The following GCGR variants were observed in gnomAD, a reference collection of about 807,000 sequenced individuals.
The protein encoded by GCGR is glucagon receptor.
Under a neutral mutation model 56.1 loss-of-function variants are expected in GCGR, and 41 were observed. The ratio of observed to expected loss-of-function variants is 0.73; its 90% CI spans 0.57 to 0.95. The LOEUF (loss-of-function observed/expected upper bound fraction) is 0.95. Ranked by LOEUF, GCGR falls within the 40% of genes least tolerant of loss-of-function variation. GCGR has a pLI of 0.00. For missense variants in GCGR, 595 were observed against 638.2 expected (o/e 0.93, Z 0.73); for synonymous variants, 278 against 271.1 (o/e 1.03, Z -0.25).
chr17:81,809,980 T>G (rs1382782648), intron 3 of GCGR, 96 bp downstream of exon 3: 3 of 938,788 alleles, frequency 3.2e-6, no homozygotes, highest in Non-Finnish European at 5.0e-6. Flanking sequence ...ATGCAGCCTT[T>G]GAGGACCCCG....
rs767396707 is a variant in GCGR, at chr17:81,812,615, C to T, written c.987C>T (p.Leu329=). ...FFIFVRIVQL[L]VAKLRARQMH... is the part of the protein sequence containing the mutation. ...TCTTCGTCCGCATCGTTCAGCTGCT[C>T]GTGGCCAAGCTGCGGGCACGGCAGA... Residue 329 remains leucine (L), a synonymous_variant, in exon 11 of 14, where the codon CTC becomes CTT. Transcript: ENST00000400723. This position sits in a 1 kb window ranked among gnomAD's most constrained non-coding sequence, Gnocchi z 8.5. 1.6e-4 allele frequency: 246 copies of T among 1,536,418 alleles called. 1 individual carries two copies. The highest frequency in any genetic ancestry group is 2.6e-4 in the Admixed American group (13 of 50,960).
rs989942047 is a variant in GCGR, at chr17:81,813,460, G to T, written c.1219-14G>T. The T allele has an allele frequency of 1.3e-6, 2 of 1,533,734 alleles. No homozygotes were observed. The highest frequency in any genetic ancestry group is 8.7e-7 in the Non-Finnish European group (1 of 1,146,380). On this transcript the variant is annotated splice_polypyrimidine_tract_variant and intron_variant, in intron 13 of 13. Coordinates refer to ENST00000400723, the MANE Select transcript of GCGR (RefSeq NM_000160.5). The surrounding 1 kb of genome is among the most constrained non-coding windows in gnomAD (Gnocchi z 5.3). ...GCAGGCCCTAGGACTGGCCTGCCCC[G>T]TCCCCCTCCCCAGGTGCAGTCGGAG...
Position 81,810,362 on chromosome 17 carries a change from C to G in GCGR, c.164-463C>G. 4 of 327,896 alleles carry G rather than the reference C, an allele frequency of 1.2e-5. No individual in the cohort carries two copies. Among genetic ancestry groups the G allele is most frequent in the South Asian group, 1.1e-4 (4 of 35,014 alleles). 20.3% of individuals were successfully genotyped at this position (327,896 alleles called of 1,614,324 possible). A position where few individuals can be genotyped will look rare whatever the true frequency, so the allele number is the denominator to read the frequency against. Reference sequence around the variant, plus strand: ...GATGAGGGAGGCAGCCACCACTGGGCAGAGGGGGGCAGGTGTGGCAGCCTC... The same window carrying G: ...GATGAGGGAGGCAGCCACCACTGGGGAGAGGGGGGCAGGTGTGGCAGCCTC... On this transcript the variant is annotated intron_variant, in intron 3 of 13. Transcript: ENST00000400723. The surrounding 1 kb of genome is among the most constrained non-coding windows in gnomAD (Gnocchi z 4.6).
chr17:81,810,776 C>T lies in GCGR; in HGVS notation c.164-49C>T. ...GAGAGGCCTGCTGAGGGAGCCCCTT[C>T]TCCCACCCTGCCCTGCCCTGCTCTG... On this transcript the variant is annotated intron_variant, in intron 3 of 13. Transcript: ENST00000400723. This position sits in a 1 kb window ranked among gnomAD's most constrained non-coding sequence, Gnocchi z 4.6. 1 of 1,497,884 alleles carries T rather than the reference C, an allele frequency of 6.7e-7. No individual in the cohort carries two copies. The allele number at this position is 1,497,884 out of a possible 1,614,324, so 92.8% of individuals were successfully genotyped here.
At chr17:81,809,171 T>TCTGC (rs1377094571) in intron 2 of GCGR, 93 bp downstream of exon 2, 4 of 1,407,912 alleles carry the variant, frequency 2.8e-6, no homozygotes, top group Non-Finnish European at 2.9e-6. Flanking sequence ...TGCCTGCCTG[T>TCTGC]CTGCCTGCCT....
At position 81,811,789 on chromosome 17, in the gene GCGR, C is replaced by T; in HGVS notation, c.796C>T (p.Leu266Phe). 6.5e-7 allele frequency: 1 copy of T among 1,537,532 alleles called. No individual in the cohort carries two copies. The highest frequency in any genetic ancestry group is 8.7e-7 in the Non-Finnish European group (1 of 1,147,102). The change falls in exon 8 of 14, where the codon CTC becomes TTC. Residue 266 changes from leucine to phenylalanine, a missense_variant. Transcript: ENST00000400723. The surrounding 1 kb of genome is among the most constrained non-coding windows in gnomAD (Gnocchi z 5.8). ...CCTCCCCGAGAGGAGCTTCTTCAGC[C>T]TCTACCTGGGCATCGGCTGGGGTGA... is the stretch of plus-strand genomic sequence containing the variant. ...ATLPERSFFS[L>F]YLGIGWGAPM...
Position 81,810,944 on chromosome 17 carries a change from G to T in GCGR, c.271+12G>T. 2.0e-6 allele frequency: 3 copies of T among 1,536,416 alleles called. No individual in the cohort carries two copies. The South Asian group carries it at 3.6e-5, about 18-fold the overall frequency. ...TTGGCACCACAAAGGTACCCATAGA[G>T]GGGAGGAACTGTGGGGGGGGCGGGC... On this transcript the variant is annotated intron_variant, in intron 4 of 13. Coordinates refer to ENST00000400723, the MANE Select transcript of GCGR (RefSeq NM_000160.5). The surrounding 1 kb of genome is among the most constrained non-coding windows in gnomAD (Gnocchi z 4.6).
In GCGR at chr17:81,812,296, C is replaced by T. The variant is rs755135905; in HGVS notation, c.948+44C>T. ...AGGAGCGCACCCCAGGCCCCTCCTC[C>T]CTTGGCGTCCTGAGGCTGCCCCAGG... On this transcript the variant is annotated intron_variant, in intron 10 of 13. Transcript: ENST00000400723. This position sits in a 1 kb window ranked among gnomAD's most constrained non-coding sequence, Gnocchi z 8.5. 2.0e-6 allele frequency: 3 copies of T among 1,530,328 alleles called. No homozygotes were observed. The highest frequency in any genetic ancestry group is 2.7e-5 in the African/African-American group (2 of 72,848). 94.8% of individuals were successfully genotyped at this position (1,530,328 alleles called of 1,614,324 possible).
At chr17:81,809,726 T>TCTGTCTGTCTGC in intron 2 of GCGR, 56 bp from the exon 3 acceptor site, 1 of 1,300,270 alleles carries the variant, frequency 7.7e-7, no homozygotes, top group Non-Finnish European at 1.1e-6. Context: ...TGTCTGCCTG[T>TCTGTCTGTCTGC]CTGTCTGCCT....
chr17:81,812,026 C>A lies in GCGR; in HGVS notation c.878+80C>A. On this transcript the variant is annotated intron_variant, in intron 9 of 13. Transcript: ENST00000400723. This position sits in a 1 kb window ranked among gnomAD's most constrained non-coding sequence, Gnocchi z 8.5. ...GCTCTGGCCTGAGGCAGGGAGGGGCCGGGGATGAGCCTGGTGCCTGGGGAG... is the reference window on the plus strand; with the variant it reads ...GCTCTGGCCTGAGGCAGGGAGGGGCAGGGGATGAGCCTGGTGCCTGGGGAG... The A allele has an allele frequency of 6.7e-7, 1 of 1,502,338 alleles. No individual in the cohort carries two copies. The highest frequency in any genetic ancestry group is 2.5e-5 in the East Asian group (1 of 39,930). The allele number at this position is 1,502,338 out of a possible 1,614,324, so 93.1% of individuals were successfully genotyped here. A position where few individuals can be genotyped will look rare whatever the true frequency, so the allele number is the denominator to read the frequency against.
At position 81,811,771 on chromosome 17, in the gene GCGR, G is replaced by T. The variant is rs999148337; in HGVS notation, c.778G>T (p.Glu260Ter). Residue 260 changes from glutamate (E) to a stop codon, truncating the protein, a stop_gained, in exon 8 of 14, where the codon GAG becomes TAG. Transcript: ENST00000400723. LOFTEE classifies it high-confidence loss of function. This position sits in a 1 kb window ranked among gnomAD's most constrained non-coding sequence, Gnocchi z 5.8. ...HNLLGLATLP[E>*]RSFFSLYLGI... is the part of the protein sequence containing the mutation. ...CCTGCTGGGCCTGGCCACCCTCCCC[G>T]AGAGGAGCTTCTTCAGCCTCTACCT... 8 of 1,537,824 alleles carry T rather than the reference G, an allele frequency of 5.2e-6. No individual in the cohort carries two copies. The Admixed American group carries it at 1.6e-4, about 30-fold the overall frequency.
Position 81,812,420 on chromosome 17 carries a change from C to A in GCGR, c.949-157C>A. The stretch of plus-strand genomic sequence containing the variant: ...ACCCTGGACACTGAGCCAGGCTGTT[C>A]CTCCCTGGCTGTGTGCCCACCAGCC... On this transcript the variant is annotated intron_variant, in intron 10 of 13. Coordinates refer to ENST00000400723, the MANE Select transcript of GCGR (RefSeq NM_000160.5). The surrounding 1 kb of genome is among the most constrained non-coding windows in gnomAD (Gnocchi z 8.5). 2 of 1,033,180 alleles carry A rather than the reference C, an allele frequency of 1.9e-6. No individual in the cohort carries two copies. Among genetic ancestry groups the A allele is most frequent in the Non-Finnish European group, 2.8e-6 (2 of 713,062 alleles). 64.0% of individuals were successfully genotyped at this position (1,033,180 alleles called of 1,614,324 possible). A position where few individuals can be genotyped will look rare whatever the true frequency, so the allele number is the denominator to read the frequency against.
rs1164563316 is a variant in GCGR at position 81,805,566 on chromosome 17, A to AC, written c.-178+1323dup. Among the ~76,000 whole-genome samples the AC allele has an allele frequency of 4.3e-5, 6 of 139,690 alleles. No individual in the cohort carries two copies. In the East Asian group the frequency reaches 6.3e-4, roughly 15 times the overall value. The allele number at this position is 139,690 out of a possible 152,430, so 91.6% of individuals were successfully genotyped here. On this transcript the variant is annotated intron_variant, in intron 1 of 13. Transcript: ENST00000400723. ...AACCCTCCCATTGGGCACCTCGGGA[A>AC]CCCCCCACATTGGGCACCTCGGGAA...
rs2038072984 is a variant in GCGR, at chr17:81,810,651, G to A, written c.164-174G>A. 1.3e-5 allele frequency among the ~76,000 whole-genome samples: 2 copies of A among 151,990 alleles called. No homozygotes were observed. Among genetic ancestry groups the A allele is most frequent in the Non-Finnish European group, 1.5e-5 (1 of 67,940 alleles). ...AGGTGGATGGTCAGGTGAGGAAGGT[G>A]GAGGTCAGATGGGGGAGGTGGAGGT... On this transcript the variant is annotated intron_variant, in intron 3 of 13. Coordinates refer to ENST00000400723, the MANE Select transcript of GCGR (RefSeq NM_000160.5). The surrounding 1 kb of genome is among the most constrained non-coding windows in gnomAD (Gnocchi z 4.6).
At position 81,811,337 on chromosome 17, in the gene GCGR, C is replaced by A; in HGVS notation, c.500+9C>A. On this transcript the variant is annotated intron_variant, in intron 6 of 13. Transcript: ENST00000400723. This position sits in a 1 kb window ranked among gnomAD's most constrained non-coding sequence, Gnocchi z 5.8. ...ATCCTGGGGGGCCTCAGGTAGGATT[C>A]CGCCAGCGCCCGGGGCGGCCGCAGA... is the stretch of plus-strand genomic sequence containing the variant. The A allele has an allele frequency of 2.6e-6, 4 of 1,534,632 alleles. No individual in the cohort carries two copies. Among genetic ancestry groups the A allele is most frequent in the Non-Finnish European group, 3.5e-6 (4 of 1,145,654 alleles).
Position 81,811,678 on chromosome 17 carries a change from G to C in GCGR, c.685G>C (p.Val229Leu), listed in dbSNP as rs561479377. ...GAVAGCRVAA[V>L]FMQYGIVANY... ...GGTGGCTGGCTGCCGTGTGGCCGCG[G>C]TGTTCATGCAATATGGCATCGTGGC... The change falls in exon 8 of 14, where the codon GTG becomes CTG. Residue 229 changes from valine (V) to leucine (L), a missense_variant. Val to Leu is a conservative substitution (Grantham distance 32). Transcript: ENST00000400723. The surrounding 1 kb of genome is among the most constrained non-coding windows in gnomAD (Gnocchi z 5.8). The C allele has an allele frequency of 1.9e-6, 3 of 1,538,606 alleles. No homozygotes were observed. The Admixed American group carries it at 5.9e-5, about 30-fold the overall frequency.
chr17:81,813,799 C>T lies in GCGR; in HGVS notation c.*110C>T, dbSNP rs1351405495. ...CTGGGGGCGGGGGAGCCAACAGCAG[C>T]CCCCACCTACCCCCCACCCCCAGTG... On this transcript the variant is annotated 3_prime_UTR_variant, in exon 14 of 14. Transcript: ENST00000400723. The surrounding 1 kb of genome is among the most constrained non-coding windows in gnomAD (Gnocchi z 5.3). 8 of 929,592 alleles carry T rather than the reference C, an allele frequency of 8.6e-6. No individual in the cohort carries two copies. The highest frequency in any genetic ancestry group is 1.3e-5 in the Non-Finnish European group (8 of 629,878). 57.6% of individuals were successfully genotyped at this position (929,592 alleles called of 1,614,324 possible).
In GCGR at chr17:81,809,442, T is replaced by TCTGCCTGC. The variant is rs1414982491; in HGVS notation, c.61-332_61-325dup. Among the ~76,000 whole-genome samples, 19 of 134,398 alleles carry TCTGCCTGC rather than the reference T, an allele frequency of 1.4e-4. No individual in the cohort carries two copies. The South Asian group carries it at 5.1e-3, about 36-fold the overall frequency. The allele number at this position is 134,398 out of a possible 152,430, so 88.2% of individuals were successfully genotyped here. A position where few individuals can be genotyped will look rare whatever the true frequency, so the allele number is the denominator to read the frequency against. On this transcript the variant is annotated intron_variant, in intron 2 of 13. Coordinates refer to ENST00000400723, the MANE Select transcript of GCGR (RefSeq NM_000160.5). ...GCCTGCCTGTCCGTCTGCCTGTCCG[T>TCTGCCTGC]CTGCCTGCCTGCCTGTCTGTCTGCC...
In GCGR at chr17:81,809,802, G is replaced by A. The variant is rs780718624; in HGVS notation, c.81G>A (p.Gln27=). 4 of 1,536,640 alleles carry A rather than the reference G, an allele frequency of 2.6e-6. No individual in the cohort carries two copies. The South Asian group carries it at 3.6e-5, about 14-fold the overall frequency. The change falls in exon 3 of 14, where the codon CAG becomes CAA. Residue 27 remains glutamine, a synonymous_variant. Transcript: ENST00000400723. ...LACQPQVPSA[Q]VMDFLFEKWK... ...CCCAGCCACAGGTCCCCTCCGCTCA[G>A]GTGATGGACTTCCTGTTTGAGAAGT... is the stretch of plus-strand genomic sequence containing the variant.
Sources: allele counts gnomAD v4.1 joint callset (sites outside exome capture counted in the v4.1 genomes callset), GRCh38; gene constraint gnomAD v4.1.1; non-coding constraint Gnocchi (gnomAD v3.1); transcripts MANE v1.5; gene names NCBI Gene and HGNC (gene_info 2026-07-23, HGNC 2026-07-21).